The following GCSAML variants were observed in gnomAD, a reference collection of about 807,000 sequenced individuals.
The protein encoded by GCSAML is germinal center-associated signaling and motility-like protein.
GCSAML carries 9 observed loss-of-function variants against 13.0 expected under a neutral mutation model. The ratio of observed to expected loss-of-function variants is 0.69; its 90% CI spans 0.42 to 1.21. GCSAML has a LOEUF of 1.21. Among genes scored for constraint, GCSAML ranks in the 50% most tolerant of loss-of-function variants. The pLI is 0.00. For synonymous variants in GCSAML, 37 were observed against 52.9 expected (o/e 0.70, Z 1.31); for missense variants, 143 against 153.4 (o/e 0.93, Z 0.36).
chr1:247,549,041 G>A (rs143056604), upstream of GCSAML: 1,239 of 1,576,318 alleles, frequency 7.9e-4, 9 homozygotes, highest in African/African-American at 0.014. Context: ...TCTATCATGC[G>A]CAGGCCCCTG....
At chr1:247,521,872 G>A (rs1666445554) in intron 1 of GCSAML, among the ~76,000 whole-genome samples, 5 of 149,636 alleles carry the variant, frequency 3.3e-5, no homozygotes, top group Admixed American at 2.7e-4. Context: ...CCCTCTGCCC[G>A]GCTGCCCAGT....
intron 2 of GCSAML, chr1:247,531,248 C>G (rs6678867): frequency 0.66 from 229,780 of 349,134 alleles, 76,370 homozygotes; most frequent in Middle Eastern, 0.68. Flanking sequence ...CTGGAATCCA[C>G]CCGCTTCGGA....
intron 1 of GCSAML, among the ~76,000 whole-genome samples, chr1:247,518,985 T>C (rs1378971801): frequency 4.0e-5 from 6 of 151,316 alleles, no homozygotes; most frequent in Non-Finnish European, 7.4e-5. Flanking sequence ...CAAAACCCTA[T>C]CTCTAAAAAA....
intron 1 of GCSAML, among the ~76,000 whole-genome samples, chr1:247,508,227 T>A (rs1665895922): frequency 6.6e-6 from 1 of 152,244 alleles, no homozygotes; most frequent in South Asian, 2.1e-4. Context: ...TGAGATGGTA[T>A]CTCATTGTGG....
At chr1:247,547,281 A>G (rs1667616600), upstream of GCSAML, among the ~76,000 whole-genome samples, 1 of 152,226 alleles carries the variant, frequency 6.6e-6, no homozygotes, top group African/African-American at 2.4e-5. Context: ...CATGGCCATA[A>G]TAATGGCAGG....
intron 1 of GCSAML, among the ~76,000 whole-genome samples, chr1:247,509,425 T>G (rs1665937905): frequency 6.6e-6 from 1 of 152,234 alleles, no homozygotes; most frequent in Admixed American, 6.5e-5. Flanking sequence ...TGGGGTTTTC[T>G]AAATATACAA....
chr1:247,550,954 C>G (rs1667758725), intron 1 of GCSAML, among the ~76,000 whole-genome samples: 1 of 152,032 alleles, frequency 6.6e-6, no homozygotes, highest in Non-Finnish European at 1.5e-5. Context: ...CACTCTGACT[C>G]AGCTTTAAAA....
rs2103327405 is a variant in GCSAML, at chr1:247,527,863, T to A, written c.-148+809T>A. 6.6e-6 allele frequency: 1 copy of A among 152,334 alleles called. No homozygotes were observed. Among genetic ancestry groups the A allele is most frequent in the East Asian group, 1.9e-4 (1 of 5,190 alleles). 9.4% of individuals were successfully genotyped at this position (152,334 alleles called of 1,614,324 possible). A position where few individuals can be genotyped will look rare whatever the true frequency, so the allele number is the denominator to read the frequency against. On this transcript the variant is annotated intron_variant, in intron 2 of 5. Transcript: ENST00000366489. This position sits in a 1 kb window ranked among gnomAD's most constrained non-coding sequence, Gnocchi z 4.6. The stretch of plus-strand genomic sequence containing the variant: ...CCTCCAATGGAGCTGTAATTTTGTA[T>A]CCTTTAACAAATCTCTTCTCATTCC...
chr1:247,553,195 T>G (rs1200773438), intron 1 of GCSAML, among the ~76,000 whole-genome samples: 1 of 152,220 alleles, frequency 6.6e-6, no homozygotes, highest in East Asian at 1.9e-4. Context: ...AGATACCATA[T>G]GCAACAGTAA....
intron 2 of GCSAML, among the ~76,000 whole-genome samples, chr1:247,559,363 A>G (rs1391624140): frequency 2.0e-5 from 3 of 152,108 alleles, no homozygotes; most frequent in Non-Finnish European, 2.9e-5. Flanking sequence ...TGGATTCTAA[A>G]TAGTTTGGTG....
intron 2 of GCSAML, among the ~76,000 whole-genome samples, chr1:247,537,520 AGGTCTT>A (rs1237022996): frequency 6.6e-6 from 1 of 152,198 alleles, no homozygotes; most frequent in Admixed American, 6.5e-5. Flanking sequence ...TGGAATTGCT[AGGTCTT>A]ATGGAAATTC....
intron 2 of GCSAML, chr1:247,533,889 A>C (rs1339162807): frequency 6.6e-6 from 1 of 152,246 alleles, no homozygotes. Context: ...CTACGAAAGC[A>C]ATCACAGGAT....
At chr1:247,547,744 TTGGCTGGAG>T (rs1667629350), upstream of GCSAML, among the ~76,000 whole-genome samples, 1 of 152,118 alleles carries the variant, frequency 6.6e-6, no homozygotes, top group Admixed American at 6.5e-5. Context: ...GCTCCATGGA[TTGGCTGGAG>T]TGGCATCACC....
chr1:247,556,707 A>C (rs1251850173), intron 2 of GCSAML, among the ~76,000 whole-genome samples: 3 of 152,206 alleles, frequency 2.0e-5, no homozygotes, highest in Non-Finnish European at 4.4e-5. Flanking sequence ...GTGTAGAAAC[A>C]TAAAGATAGA....
Position 247,574,333 on chromosome 1 carries a change from C to T in GCSAML, c.359C>T (p.Pro120Leu), listed in dbSNP as rs375716288. Residue 120 changes from proline (P) to leucine (L), a missense_variant, in exon 5 of 5, where the codon CCT becomes CTT. Coordinates refer to ENST00000366488, the MANE Select transcript of GCSAML (RefSeq NM_145278.5). ...CTTCTTAGGACTTCTGTTAGTAGGC[C>T]TTGTTCCTGCACCCATGAGCATGAT... ...YALLRTSVSR[P>L]CSCTHEHDYE... is the part of the protein sequence containing the mutation. 6.2e-7 allele frequency: 1 copy of T among 1,614,056 alleles called. No homozygotes were observed. The highest frequency in any genetic ancestry group is 8.5e-7 in the Non-Finnish European group (1 of 1,179,990).
intron 2 of GCSAML, chr1:247,532,543 G>A: frequency 3.1e-6 from 5 of 1,601,668 alleles, no homozygotes; most frequent in Non-Finnish European, 4.3e-6. Flanking sequence ...AAGGCCACCT[G>A]TGGGAAGAGC....
chr1:247,545,598 G>A (rs1243658204), upstream of GCSAML, among the ~76,000 whole-genome samples: 5 of 152,130 alleles, frequency 3.3e-5, no homozygotes, highest in Non-Finnish European at 4.4e-5. Context: ...AGCCCTCATC[G>A]TGGTTTTGAT....
intron 2 of GCSAML, chr1:247,531,530 TCAGA>T: frequency 6.2e-7 from 1 of 1,605,056 alleles, no homozygotes; most frequent in Non-Finnish European, 8.5e-7. Flanking sequence ...ATCTTCCTTC[TCAGA>T]AGGCACTGGA....
intron 1 of GCSAML, among the ~76,000 whole-genome samples, chr1:247,523,328 T>C (rs774488233): frequency 3.9e-5 from 6 of 152,244 alleles, no homozygotes; most frequent in Non-Finnish European, 8.8e-5. Flanking sequence ...CTAACATTCA[T>C]TGAGGTTTTA....
Sources: allele counts gnomAD v4.1 joint callset (sites outside exome capture counted in the v4.1 genomes callset), GRCh38; gene constraint gnomAD v4.1.1; non-coding constraint Gnocchi (gnomAD v3.1); transcripts MANE v1.5; gene names NCBI Gene and HGNC (gene_info 2026-07-23, HGNC 2026-07-21).